The following PDE3A variants were observed in gnomAD, a reference collection of about 807,000 sequenced individuals.
PDE3A encodes phosphodiesterase 3A, also known as cGMP-inhibited 3',5'-cyclic phosphodiesterase 3A.
In PDE3A, 43 loss-of-function variants were observed where a neutral mutation model predicts 98.3. That is an observed-to-expected ratio of 0.44 (90% confidence interval 0.34 to 0.56). The LOEUF is 0.56. Ranked by LOEUF, PDE3A falls within the 20% of genes least tolerant of loss-of-function variation. The pLI is 0.01. For missense variants in PDE3A, 1,427 were observed against 1,440.7 expected, an observed-to-expected ratio of 0.99 and a Z score of 0.15; for synonymous variants, 663 against 567.9, an observed-to-expected ratio of 1.17 and a Z score of -2.38.
intron 1 of PDE3A, among the ~76,000 whole-genome samples, chr12:20,454,067 A>T (rs930627205): frequency 6.6e-6 from 1 of 151,882 alleles, no homozygotes; most frequent in African/African-American, 2.4e-5. Context: ...GACAGCAAAC[A>T]CATGGAAGGG....
In PDE3A at chr12:20,555,993, G is replaced by A. The variant is rs558630880; in HGVS notation, c.961-667G>A. Among the ~76,000 whole-genome samples the A allele has an allele frequency of 5.3e-5, 8 of 152,188 alleles. No individual in the cohort carries two copies. The East Asian group carries it at 1.4e-3, about 26-fold the overall frequency. Reference sequence around the variant, plus strand: ...CTAATAAGATTACTGACAGATGAATGGAGTTTCATTTCTCTGAGTCAATAT... The same window carrying A: ...CTAATAAGATTACTGACAGATGAATAGAGTTTCATTTCTCTGAGTCAATAT... On this transcript the variant is annotated intron_variant, in intron 1 of 15. Coordinates refer to ENST00000359062, the MANE Select transcript of PDE3A (RefSeq NM_000921.5).
chr12:20,637,169 A>G lies in PDE3A; in HGVS notation c.2071A>G (p.Thr691Ala), dbSNP rs1473501384. 3 of 1,609,906 alleles carry G rather than the reference A, an allele frequency of 1.9e-6. No individual in the cohort carries two copies. The African/African-American group carries it at 4.0e-5, about 22-fold the overall frequency. ...GGACTCAATTATGGAGCAGCTAAAT[A>G]CTTGGAATTTTCCAATTTTTGATTT... ...NLDSIMEQLN[T>A]WNFPIFDLVE... Residue 691 changes from threonine (T) to alanine (A), a missense_variant, in exon 9 of 16, where the codon ACT becomes GCT. By Grantham distance (58) the Thr-to-Ala change is moderately conservative (BLOSUM62 0). Around this residue, in one of 3 missense-constraint regions of PDE3A, gnomAD observed 273 missense variants for 420.3 expected, o/e 0.65. Transcript: ENST00000359062.
intron 15 of PDE3A, among the ~76,000 whole-genome samples, chr12:20,662,049 G>T (rs2121523859): frequency 6.6e-6 from 1 of 152,282 alleles, no homozygotes; most frequent in South Asian, 2.1e-4. Context: ...GGGCAGAGCT[G>T]CCCAACACTA....
rs1311221592 is a variant in PDE3A at position 20,369,755 on chromosome 12, G to A, written c.471G>A (p.Leu157=). 4.3e-6 allele frequency: 7 copies of A among 1,612,494 alleles called. No homozygotes were observed. In the Admixed American group the frequency reaches 6.7e-5, roughly 15 times the overall value. ...ACCTCCTGCGCGCCGGGGTGCGCCTGCCTCTGGCTGTCGCGCTGCTGGCCG... is the reference window on the plus strand; with the variant it reads ...ACCTCCTGCGCGCCGGGGTGCGCCTACCTCTGGCTGTCGCGCTGCTGGCCG... ...GLYLLRAGVR[L]PLAVALLAAC... The change falls in exon 1 of 16, where the codon CTG becomes CTA. Residue 157 remains leucine (L), a synonymous_variant. Transcript: ENST00000359062.
Position 20,570,100 on chromosome 12 carries a change from A to C in PDE3A, c.1011+13390A>C, listed in dbSNP as rs529648973. ...GAGAACTTATGATGAAAAGCAAGAG[A>C]GGGAGAAAAATTGTGCTCTCTTAAG... On this transcript the variant is annotated intron_variant, in intron 2 of 15. Transcript: ENST00000359062. Among the ~76,000 whole-genome samples, 15 of 152,164 alleles carry C rather than the reference A, an allele frequency of 9.9e-5. No individual in the cohort carries two copies. The South Asian group carries it at 2.9e-3, about 29-fold the overall frequency.
At chr12:20,575,046 A>G (rs189564117) in intron 2 of PDE3A, among the ~76,000 whole-genome samples, 2 of 152,182 alleles carry the variant, frequency 1.3e-5, no homozygotes, top group East Asian at 3.9e-4. Context: ...AACTTTGACT[A>G]CATGAGTAAG....
chr12:20,678,825 T>A (rs1459038194), intron 15 of PDE3A, among the ~76,000 whole-genome samples: 2 of 152,170 alleles, frequency 1.3e-5, no homozygotes, highest in African/African-American at 2.4e-5. Flanking sequence ...CCAGTCACTG[T>A]GAAACAATTT....
At chr12:20,431,594 A>AACACACAC (rs35221225) in intron 1 of PDE3A, among the ~76,000 whole-genome samples, 121 of 146,856 alleles carry the variant, frequency 8.2e-4, no homozygotes, top group African/African-American at 2.8e-3. Context: ...TAGTCAGGAA[A>AACACACAC]ACACACACAC....
intron 1 of PDE3A, among the ~76,000 whole-genome samples, chr12:20,503,787 A>G (rs1565570372): frequency 6.6e-6 from 1 of 152,136 alleles, no homozygotes. Flanking sequence ...TTTAGAATTT[A>G]TAAACCACCC....
chr12:20,464,214 A>G (rs1314411069), intron 1 of PDE3A, among the ~76,000 whole-genome samples: 1 of 152,186 alleles, frequency 6.6e-6, no homozygotes, highest in African/African-American at 2.4e-5. Context: ...CCTTATTAAC[A>G]TTATATGGAA....
intron 1 of PDE3A, among the ~76,000 whole-genome samples, chr12:20,376,801 G>T (rs1407206813): frequency 6.6e-6 from 1 of 151,574 alleles, no homozygotes; most frequent in African/African-American, 2.4e-5. Context: ...AAGTAAATAG[G>T]GTATAATATC....
chr12:20,578,180 G>T (rs1942979527), intron 2 of PDE3A, among the ~76,000 whole-genome samples: 1 of 152,092 alleles, frequency 6.6e-6, no homozygotes, highest in Non-Finnish European at 1.5e-5. Flanking sequence ...CCCCAGAGAA[G>T]GCTTCATAAA....
chr12:20,571,007 T>G (rs1340876512), intron 2 of PDE3A, among the ~76,000 whole-genome samples: 1 of 152,176 alleles, frequency 6.6e-6, no homozygotes, highest in Non-Finnish European at 1.5e-5. Flanking sequence ...TTAAGAAGTT[T>G]CCCAGGTGAT....
At chr12:20,584,787 C>T (rs1592082075) in intron 2 of PDE3A, among the ~76,000 whole-genome samples, 1 of 152,110 alleles carries the variant, frequency 6.6e-6, no homozygotes, top group Admixed American at 6.5e-5. Context: ...TTCTGAATGT[C>T]TTCCTTTTCT....
rs530823295 is a variant in PDE3A, at chr12:20,547,491, C to T, written c.961-9169C>T. ...AAAGTGGACTGTGTGGTAACCTTTACATCCTTATATGTATATTAGTTTTAT... is the reference window on the plus strand; with the variant it reads ...AAAGTGGACTGTGTGGTAACCTTTATATCCTTATATGTATATTAGTTTTAT... On this transcript the variant is annotated intron_variant, in intron 1 of 15. Transcript: ENST00000359062. 8.9e-4 allele frequency among the ~76,000 whole-genome samples: 136 copies of T among 152,272 alleles called. 1 individual carries two copies. Among genetic ancestry groups the T allele is most frequent in the African/African-American group, 3.0e-3 (123 of 41,564 alleles).
At chr12:20,427,619 G>T (rs1346282067) in intron 1 of PDE3A, among the ~76,000 whole-genome samples, 1 of 152,020 alleles carries the variant, frequency 6.6e-6, no homozygotes, top group Non-Finnish European at 1.5e-5. Flanking sequence ...TTGTATAACT[G>T]ATTTGAAAAA....
At chr12:20,614,315 TGTA>T in intron 3 of PDE3A, among the ~76,000 whole-genome samples, 1 of 152,288 alleles carries the variant, frequency 6.6e-6, no homozygotes, top group East Asian at 1.9e-4. Context: ...GAAAGTAAAT[TGTA>T]GGAGGATCCT....
chr12:20,523,802 A>C (rs961955777), intron 1 of PDE3A, among the ~76,000 whole-genome samples: 3 of 152,222 alleles, frequency 2.0e-5, no homozygotes, highest in African/African-American at 7.2e-5. Flanking sequence ...TGAATTATAG[A>C]AGAGAATAAT....
intron 1 of PDE3A, among the ~76,000 whole-genome samples, chr12:20,483,027 C>G (rs1320030131): frequency 2.0e-5 from 3 of 152,014 alleles, no homozygotes; most frequent in Non-Finnish European, 2.9e-5. Flanking sequence ...CACTGCTTTT[C>G]CTAGACATCC....
Sources: gnomAD v4.1 joint callset for allele counts (sites outside exome capture counted in the v4.1 genomes callset) on GRCh38, gnomAD v4.1.1 for gene constraint, gnomAD v4.1.1 regional missense constraint, MANE v1.5 for transcripts, NCBI Gene and HGNC (gene_info 2026-07-23, HGNC 2026-07-21) for gene names.